TTC27: variants seen among roughly 807,000 people sequenced by gnomAD.
TTC27 encodes the protein tetratricopeptide repeat protein 27.
TTC27 carries 79 observed loss-of-function variants against 115.9 expected under a neutral mutation model. The observed-to-expected ratio is 0.68, with a 90% CI of 0.57 to 0.82. TTC27 has a LOEUF of 0.82. Among genes scored for constraint, TTC27 ranks in the 40% least tolerant of loss-of-function variants. TTC27 has a pLI of 0.00. For missense variants in TTC27, 1,054 were observed against 993.1 expected, an observed-to-expected ratio of 1.06 and a Z score of -0.82; for synonymous variants, 401 against 356.0, an observed-to-expected ratio of 1.13 and a Z score of -1.42.
At chr2:32,710,499 G>T (rs1193341917) in intron 10 of TTC27, among the ~76,000 whole-genome samples, 3 of 144,388 alleles carry the variant, frequency 2.1e-5, no homozygotes, top group African/African-American at 7.8e-5. Context: ...CGTGATCTCA[G>T]CTTGCTGCAA....
intron 16 of TTC27, among the ~76,000 whole-genome samples, chr2:32,788,050 A>G (rs1264406308): frequency 6.6e-6 from 1 of 152,190 alleles, no homozygotes; most frequent in African/African-American, 2.4e-5. Context: ...AGATCTCAGT[A>G]TATTGTGACT....
intron 5 of TTC27, among the ~76,000 whole-genome samples, chr2:32,652,761 G>A (rs545263790): frequency 6.6e-6 from 1 of 152,144 alleles, no homozygotes; most frequent in Non-Finnish European, 1.5e-5. Context: ...TGATCCAAAT[G>A]TAATAACTGA....
At chr2:32,643,293 A>C (rs1319816724) in intron 4 of TTC27, among the ~76,000 whole-genome samples, 1 of 151,582 alleles carries the variant, frequency 6.6e-6, no homozygotes, top group South Asian at 2.1e-4. Context: ...ACTTTGCTCT[A>C]TTGTTTTATT....
At chr2:32,819,287 A>G (rs1671606609) in intron 19 of TTC27, among the ~76,000 whole-genome samples, 1 of 152,200 alleles carries the variant, frequency 6.6e-6, no homozygotes, top group Non-Finnish European at 1.5e-5. Flanking sequence ...ATGCGGCCCC[A>G]GAACATCATC....
At chr2:32,677,751 C>T (rs1253995830) in intron 8 of TTC27, among the ~76,000 whole-genome samples, 1 of 152,206 alleles carries the variant, frequency 6.6e-6, no homozygotes, top group Non-Finnish European at 1.5e-5. Flanking sequence ...CCGTGCCCGG[C>T]CCAAATTGTT....
intron 16 of TTC27, among the ~76,000 whole-genome samples, chr2:32,806,169 A>T (rs898343199): frequency 6.6e-6 from 1 of 152,160 alleles, no homozygotes; most frequent in Non-Finnish European, 1.5e-5. Context: ...CTTGTTGCTG[A>T]TAGGTTAATT....
At chr2:32,628,481 C>T in intron 1 of TTC27, 101 bp downstream of exon 1, 1 of 1,188,730 alleles carries the variant, frequency 8.4e-7, no homozygotes, top group Non-Finnish European at 1.2e-6. Context: ...TTCCCTAACA[C>T]AGTCTAGCTG....
chr2:32,811,296 G>T, intron 17 of TTC27, 75 bp downstream of exon 17: 2 of 1,357,246 alleles, frequency 1.5e-6, no homozygotes, highest in Non-Finnish European at 2.0e-6. Context: ...TTTGATGGGT[G>T]GAGGAAGAGT....
intron 9 of TTC27, 110 bp from the exon 10 acceptor site, chr2:32,702,697 C>G (rs1667228398): frequency 3.0e-6 from 2 of 664,356 alleles, no homozygotes; most frequent in Non-Finnish European, 5.2e-6. Flanking sequence ...ATTTTCAAAT[C>G]TGTGTTTAAC....
intron 16 of TTC27, among the ~76,000 whole-genome samples, chr2:32,802,439 G>T (rs1285601333): frequency 6.6e-6 from 1 of 151,894 alleles, no homozygotes; most frequent in African/African-American, 2.4e-5. Flanking sequence ...CCATTTCTCT[G>T]GTGCTCTTTT....
intron 9 of TTC27, among the ~76,000 whole-genome samples, chr2:32,683,379 A>G (rs1666510258): frequency 6.6e-6 from 1 of 152,194 alleles, no homozygotes; most frequent in South Asian, 2.1e-4. Flanking sequence ...TATTTATTGA[A>G]TAAATAAATG....
chr2:32,759,650 T>G (rs749613516), intron 13 of TTC27, among the ~76,000 whole-genome samples: 34 of 152,210 alleles, frequency 2.2e-4, no homozygotes, highest in Non-Finnish European at 3.2e-4. Flanking sequence ...ACATTCCCAT[T>G]GTTGGGCAAC....
chr2:32,687,875 T>C (rs1666687720), intron 9 of TTC27, among the ~76,000 whole-genome samples: 1 of 152,158 alleles, frequency 6.6e-6, no homozygotes, highest in African/African-American at 2.4e-5. Flanking sequence ...TTAACACCCC[T>C]CTGTCAGCAA....
chr2:32,673,724 G>A (rs1666095753), intron 8 of TTC27, among the ~76,000 whole-genome samples: 1 of 152,144 alleles, frequency 6.6e-6, no homozygotes, highest in African/African-American at 2.4e-5. Flanking sequence ...ACCAGGTGCG[G>A]TGTCTTATGC....
chr2:32,705,856 A>G (rs1667349382), intron 10 of TTC27, among the ~76,000 whole-genome samples: 1 of 152,036 alleles, frequency 6.6e-6, no homozygotes, highest in Non-Finnish European at 1.5e-5. Context: ...CTATTTATTG[A>G]TGTATCTTCT....
At chr2:32,657,331 A>G (rs902394513) in intron 5 of TTC27, among the ~76,000 whole-genome samples, 3 of 146,844 alleles carry the variant, frequency 2.0e-5, no homozygotes, top group African/African-American at 5.0e-5. Context: ...TCTTAAATGG[A>G]CCGTAGAAAA....
At chr2:32,641,541 C>T (rs1664648543) in intron 4 of TTC27, among the ~76,000 whole-genome samples, 1 of 152,250 alleles carries the variant, frequency 6.6e-6, no homozygotes, top group South Asian at 2.1e-4. Flanking sequence ...TGCGCACAGG[C>T]TGTGCCTGGC....
intron 10 of TTC27, among the ~76,000 whole-genome samples, chr2:32,714,749 A>G (rs147601086): frequency 1.5e-3 from 225 of 152,132 alleles, no homozygotes; most frequent in Non-Finnish European, 2.7e-3. Context: ...CCTCTTTAGC[A>G]TGTTATTTTG....
At position 32,666,777 on chromosome 2, in the gene TTC27, G is replaced by A. The variant is rs369242352; in HGVS notation, c.939+9G>A. 13 of 1,609,770 alleles carry A rather than the reference G, an allele frequency of 8.1e-6. No homozygotes were observed. The East Asian group carries it at 2.7e-4, about 33-fold the overall frequency. On this transcript the variant is annotated intron_variant, in intron 7 of 19. Coordinates refer to ENST00000317907, the MANE Select transcript of TTC27 (RefSeq NM_017735.5). ...AGGAACATTTAACCAAGGCAAGTAG[G>A]ACATTAAGTTATTAAATTCAATTAA...
Sources: allele counts gnomAD v4.1 joint callset (sites outside exome capture counted in the v4.1 genomes callset), GRCh38; gene constraint gnomAD v4.1.1; transcripts MANE v1.5; gene names NCBI Gene and HGNC (gene_info 2026-07-23, HGNC 2026-07-21).